Variants in ZBTB20 observed in about 807,000 individuals in gnomAD.
The protein encoded by ZBTB20 is zinc finger and BTB domain containing 20.
ZBTB20 carries 9 observed loss-of-function variants against 56.9 expected under a neutral mutation model. That is an observed-to-expected ratio of 0.16 (90% CI 0.10 to 0.28). ZBTB20 has a LOEUF of 0.28. ZBTB20 is among the 10% of genes least tolerant of loss of function. ZBTB20 has a pLI of 1.00. For missense variants in ZBTB20, 655 were observed against 1,003.0 expected, an observed-to-expected ratio of 0.65 and a Z score of 4.69; for synonymous variants, 417 against 420.7, an observed-to-expected ratio of 0.99 and a Z score of 0.11.
intron 1 of ZBTB20, among the ~76,000 whole-genome samples, chr3:115,142,606 C>T (rs1277296757): frequency 2.0e-5 from 3 of 149,242 alleles, no homozygotes; most frequent in Non-Finnish European, 4.4e-5. Flanking sequence ...GAGGCTGCAG[C>T]GGGCCAAGAT....
chr3:114,798,349 C>CA (rs5851937), intron 5 of ZBTB20, among the ~76,000 whole-genome samples: 78 of 39,986 alleles, frequency 2.0e-3, no homozygotes, highest in Non-Finnish European at 5.3e-3. Flanking sequence ...AACAAAAAAA[C>CA]AAAAAAAAAC....
chr3:115,137,515 T>A (rs1273681520), intron 1 of ZBTB20, among the ~76,000 whole-genome samples: 2 of 152,038 alleles, frequency 1.3e-5, no homozygotes. Flanking sequence ...TAGAAATGCA[T>A]TTACACTATC....
intron 10 of ZBTB20, chr3:114,367,191 A>C (rs1365069093): frequency 6.6e-6 from 1 of 152,242 alleles, no homozygotes; most frequent in Non-Finnish European, 1.5e-5. Flanking sequence ...TGCACACAGG[A>C]AAATGTACAG....
chr3:115,041,304 A>C (rs2081132286), intron 2 of ZBTB20, among the ~76,000 whole-genome samples: 1 of 152,178 alleles, frequency 6.6e-6, no homozygotes, highest in South Asian at 2.1e-4. Context: ...CACATTTTAC[A>C]AGGAACGAAA....
At chr3:114,512,179 A>C (rs541257645) in intron 6 of ZBTB20, among the ~76,000 whole-genome samples, 47 of 152,244 alleles carry the variant, frequency 3.1e-4, no homozygotes, top group Admixed American at 2.9e-3. Context: ...AGGAATATGA[A>C]TGGGGACTAA....
chr3:114,627,436 AG>A (rs2058712514), intron 6 of ZBTB20, among the ~76,000 whole-genome samples: 1 of 152,226 alleles, frequency 6.6e-6, no homozygotes, highest in Non-Finnish European at 1.5e-5. Context: ...TCAGAATACA[AG>A]GGTTAATAGA....
At chr3:115,092,670 G>A (rs2083241297) in intron 1 of ZBTB20, among the ~76,000 whole-genome samples, 1 of 151,992 alleles carries the variant, frequency 6.6e-6, no homozygotes, top group African/African-American at 2.4e-5. Context: ...AGTGGCCAGT[G>A]GAGAGGAGTG....
chr3:115,096,127 T>C (rs561417785), intron 1 of ZBTB20, among the ~76,000 whole-genome samples: 23 of 152,314 alleles, frequency 1.5e-4, no homozygotes, highest in African/African-American at 5.3e-4. Flanking sequence ...ATAACAAAAA[T>C]GTCTTACACA....
At chr3:114,679,067 A>C (rs940449152) in intron 6 of ZBTB20, among the ~76,000 whole-genome samples, 2 of 152,194 alleles carry the variant, frequency 1.3e-5, no homozygotes, top group Non-Finnish European at 2.9e-5. Flanking sequence ...TGTTGGGAAA[A>C]CTGGCTAGTC....
At chr3:114,591,730 A>C (rs570636007) in intron 6 of ZBTB20, among the ~76,000 whole-genome samples, 2 of 152,288 alleles carry the variant, frequency 1.3e-5, no homozygotes, top group South Asian at 2.1e-4. Flanking sequence ...ACTTTTATTT[A>C]ACAACGTTTT....
intron 2 of ZBTB20, among the ~76,000 whole-genome samples, chr3:115,041,095 A>C (rs539270561): frequency 2.2e-4 from 33 of 152,212 alleles, no homozygotes; most frequent in Non-Finnish European, 4.6e-4. Context: ...GTTGAGGATT[A>C]TAAAAATATT....
chr3:114,517,560 G>C (rs960719796), intron 6 of ZBTB20, among the ~76,000 whole-genome samples: 1 of 151,770 alleles, frequency 6.6e-6, no homozygotes, highest in Admixed American at 6.6e-5. Context: ...TAGTCAGTTC[G>C]TCAGTCAATC....
intron 2 of ZBTB20, among the ~76,000 whole-genome samples, chr3:114,974,850 AAC>A (rs1237136697): frequency 2.6e-5 from 4 of 152,146 alleles, no homozygotes; most frequent in African/African-American, 9.7e-5. Flanking sequence ...GCAAAGATAA[AAC>A]ACAAGCCCTA....
intron 1 of ZBTB20, among the ~76,000 whole-genome samples, chr3:115,105,535 C>T (rs912374972): frequency 1.3e-5 from 2 of 152,104 alleles, no homozygotes; most frequent in Non-Finnish European, 2.9e-5. Flanking sequence ...TGATTTCTTA[C>T]CCTATCTTGC....
At chr3:114,486,347 G>GA (rs1272077491) in intron 7 of ZBTB20, among the ~76,000 whole-genome samples, 3 of 151,974 alleles carry the variant, frequency 2.0e-5, no homozygotes, top group Admixed American at 6.5e-5. Context: ...ATGTAATGAT[G>GA]AAAAAATTGG....
intron 1 of ZBTB20, among the ~76,000 whole-genome samples, chr3:115,134,525 T>C (rs1028832219): frequency 1.3e-5 from 2 of 152,202 alleles, no homozygotes; most frequent in African/African-American, 4.8e-5. Flanking sequence ...TTTATATGCT[T>C]GGATACATTT....
In ZBTB20 at chr3:114,328,117, T is replaced by C. The variant is rs2079120996; in HGVS notation, c.*10888A>G. 6.6e-6 allele frequency: 1 copy of C among 152,182 alleles called. No homozygotes were observed. The highest frequency in any genetic ancestry group is 1.5e-5 in the Non-Finnish European group (1 of 68,016). 9.4% of individuals were successfully genotyped at this position (152,182 alleles called of 1,614,324 possible). A position where few individuals can be genotyped will look rare whatever the true frequency, so the allele number is the denominator to read the frequency against. ...TGTTATTATTTTATTTAAGTATATA[T>C]TAAGTTTATGTTTAGGCAATCTCTG... On this transcript the variant is annotated 3_prime_UTR_variant, in exon 12 of 12. Coordinates refer to ENST00000675478, the MANE Select transcript of ZBTB20 (RefSeq NM_001348800.3).
chr3:114,431,540 TATTTATGAC>T (rs2090123257), intron 7 of ZBTB20, among the ~76,000 whole-genome samples: 1 of 152,228 alleles, frequency 6.6e-6, no homozygotes, highest in Non-Finnish European at 1.5e-5. Context: ...AATTATTTTC[TATTTATGAC>T]ATTGTAGTCT....
intron 5 of ZBTB20, among the ~76,000 whole-genome samples, chr3:114,783,526 T>A (rs1222126088): frequency 1.3e-5 from 2 of 152,180 alleles, no homozygotes; most frequent in Non-Finnish European, 2.9e-5. Flanking sequence ...CCAGGCACGG[T>A]GGCTCATGCC....
Sources: gnomAD v4.1 joint callset for allele counts (sites outside exome capture counted in the v4.1 genomes callset) on GRCh38, gnomAD v4.1.1 for gene constraint, MANE v1.5 for transcripts, NCBI Gene and HGNC (gene_info 2026-07-23, HGNC 2026-07-21) for gene names.